GIT2: variants seen among roughly 807,000 people sequenced by gnomAD.
GIT2 encodes the protein ARF GTPase-activating protein GIT2.
A neutral mutation model predicts 100.3 loss-of-function variants in GIT2; 32 were observed. The observed-to-expected ratio is 0.32, with a 90% CI of 0.24 to 0.43. The LOEUF is 0.43. Ranked by LOEUF, GIT2 falls within the 20% of genes least tolerant of loss-of-function variation. The pLI is 1.00. For synonymous variants in GIT2, 353 were observed against 364.1 expected (o/e 0.97, Z 0.35); for missense variants, 737 against 975.1 (o/e 0.76, Z 3.25).
At position 109,932,911 on chromosome 12, in the gene GIT2, C is replaced by T; in HGVS notation, c.*67G>A. On this transcript the variant is annotated 3_prime_UTR_variant, in exon 20 of 20. Transcript: ENST00000355312. Reference sequence around the variant, plus strand: ...TCTTTTTGTAGAAATCTGAAGAGTTCTGCGTCTGAATTTGAAATTGGACTT... The same window carrying T: ...TCTTTTTGTAGAAATCTGAAGAGTTTTGCGTCTGAATTTGAAATTGGACTT... 1 of 876,378 alleles carries T rather than the reference C, an allele frequency of 1.1e-6. No homozygotes were observed. Among genetic ancestry groups the T allele is most frequent in the Non-Finnish European group, 1.9e-6 (1 of 513,822 alleles). 54.3% of individuals were successfully genotyped at this position (876,378 alleles called of 1,614,324 possible). A position where few individuals can be genotyped will look rare whatever the true frequency, so the allele number is the denominator to read the frequency against.
chr12:109,996,276 G>T lies in GIT2; in HGVS notation c.-52C>A. On this transcript the variant is annotated 5_prime_UTR_variant, in exon 1 of 20. Coordinates refer to ENST00000355312, the MANE Select transcript of GIT2 (RefSeq NM_057169.5). ...CTAGAGGCCGGGGGACAGCAAAGGC[G>T]GCGGTGGCGGCGGCGCTTCCGCTCT... The T allele has an allele frequency of 1.5e-6, 2 of 1,296,970 alleles. No individual in the cohort carries two copies. Among genetic ancestry groups the T allele is most frequent in the Non-Finnish European group, 1.1e-6 (1 of 935,416 alleles). The allele number at this position is 1,296,970 out of a possible 1,614,324, so 80.3% of individuals were successfully genotyped here.
chr12:109,974,361 T>C (rs1485675061), intron 7 of GIT2, among the ~76,000 whole-genome samples: 1 of 152,058 alleles, frequency 6.6e-6, no homozygotes, highest in African/African-American at 2.4e-5. Context: ...ACCCCATCTC[T>C]ACTAAAAATA....
intron 2 of GIT2, among the ~76,000 whole-genome samples, chr12:109,990,912 A>G (rs1159938334): frequency 6.6e-6 from 1 of 152,262 alleles, no homozygotes; most frequent in African/African-American, 2.4e-5. Context: ...ATCAAAGCAG[A>G]AAAACATGTT....
chr12:109,999,895 C>A (rs1008240333), upstream of GIT2: 5 of 993,218 alleles, frequency 5.0e-6, no homozygotes, highest in African/African-American at 8.5e-5. This position sits in a 1 kb window ranked among gnomAD's most constrained non-coding sequence, Gnocchi z 4.3. Context: ...CCCCAGACCC[C>A]TTCCACTTTG....
At chr12:109,993,456 T>C (rs1046955596) in intron 1 of GIT2, among the ~76,000 whole-genome samples, 2 of 152,048 alleles carry the variant, frequency 1.3e-5, no homozygotes, top group Non-Finnish European at 2.9e-5. Context: ...AGCCAGTGAG[T>C]ATGGTGGTTA....
At chr12:109,938,883 A>G in intron 17 of GIT2, 1 of 492,848 alleles carries the variant, frequency 2.0e-6, no homozygotes, top group Non-Finnish European at 3.6e-6. Flanking sequence ...TGCAGAATGT[A>G]ACCTAATGTT....
intron 13 of GIT2, among the ~76,000 whole-genome samples, 160 bp from the exon 14 acceptor site, chr12:109,951,476 A>G (rs1877835669): frequency 6.6e-6 from 1 of 152,242 alleles, no homozygotes; most frequent in African/African-American, 2.4e-5. Flanking sequence ...ACATAAAAGT[A>G]GGGTCACTAT....
intron 2 of GIT2, 110 bp downstream of exon 2, chr12:109,991,517 T>C (rs987503163): frequency 1.3e-6 from 1 of 798,000 alleles, no homozygotes; most frequent in African/African-American, 1.7e-5. Flanking sequence ...TATTCAATTA[T>C]GAAACAGTTT....
chr12:109,952,629 A>G (rs1878217288), intron 13 of GIT2: 1 of 519,706 alleles, frequency 1.9e-6, no homozygotes, highest in Non-Finnish European at 3.8e-6. Flanking sequence ...CCCAATCCCA[A>G]GCGTCCCTTG....
chr12:109,969,478 A>G (rs1883321261), intron 7 of GIT2, among the ~76,000 whole-genome samples: 1 of 151,642 alleles, frequency 6.6e-6, no homozygotes, highest in Admixed American at 6.6e-5. Context: ...AAAATTTTCA[A>G]TTTTGATGAA....
At chr12:109,965,450 AC>A in intron 9 of GIT2, 75 bp downstream of exon 9, 1 of 799,030 alleles carries the variant, frequency 1.3e-6, no homozygotes, top group Non-Finnish European at 2.1e-6. Context: ...GCAATAGGTA[AC>A]CTGCATTCAG....
At chr12:109,981,646 GA>G (rs1463226915) in intron 6 of GIT2, 1 of 152,454 alleles carries the variant, frequency 6.6e-6, no homozygotes, top group Non-Finnish European at 1.5e-5. Flanking sequence ...TTGCACAACA[GA>G]AAATATTAAG....
chr12:109,952,157 C>A (rs929063387), intron 13 of GIT2, among the ~76,000 whole-genome samples: 2 of 152,194 alleles, frequency 1.3e-5, no homozygotes, highest in African/African-American at 2.4e-5. Context: ...CCAAACAAAT[C>A]TTCTATAAAT....
chr12:109,967,605 T>C (rs1025865666), intron 7 of GIT2, 102 bp from the exon 8 acceptor site: 8 of 831,776 alleles, frequency 9.6e-6, no homozygotes, highest in African/African-American at 8.4e-5. Context: ...GCGATTAGTA[T>C]TTGTGCATAA....
At position 109,934,055 on chromosome 12, in the gene GIT2, T is replaced by C. The variant is rs1478214334; in HGVS notation, c.2034A>G (p.Val678=). The C allele has an allele frequency of 1.3e-6, 2 of 1,575,816 alleles. No individual in the cohort carries two copies. Among genetic ancestry groups the C allele is most frequent in the Non-Finnish European group, 1.7e-6 (2 of 1,145,282 alleles). ...SYIPCSERIH[V]AVTEMAALFP... Reference sequence around the variant, plus strand: ...ATAATGCTGCCATTTCTGTAACAGCTACGTGTATCCTCTCTGAGCAGGGAA... The same window carrying C: ...ATAATGCTGCCATTTCTGTAACAGCCACGTGTATCCTCTCTGAGCAGGGAA... The change falls in exon 19 of 20, where the codon GTA becomes GTG. Residue 678 remains valine, a synonymous_variant. Coordinates refer to ENST00000355312, the MANE Select transcript of GIT2 (RefSeq NM_057169.5). This position sits in a 1 kb window ranked among gnomAD's most constrained non-coding sequence, Gnocchi z 4.5.
intron 12 of GIT2, chr12:109,953,774 T>G (rs991749378): frequency 6.6e-6 from 1 of 152,256 alleles, no homozygotes. Context: ...AGCATTCCTC[T>G]CATCTACCTG....
intron 1 of GIT2, among the ~76,000 whole-genome samples, chr12:109,993,661 T>C (rs1376044647): frequency 1.3e-5 from 2 of 152,210 alleles, no homozygotes; most frequent in Admixed American, 1.3e-4. Flanking sequence ...TGTTAGTTGT[T>C]ATATCTTTTC....
intron 12 of GIT2, among the ~76,000 whole-genome samples, chr12:109,957,004 T>C (rs1879671970): frequency 1.3e-5 from 2 of 149,556 alleles, no homozygotes; most frequent in African/African-American, 2.5e-5. Context: ...GGCGACAGAG[T>C]GAGACTCGTC....
At position 109,965,714 on chromosome 12, in the gene GIT2, G is replaced by A. The variant is rs368395970; in HGVS notation, c.765-137C>T. ...TTAGAACCAAGCATTCTACAGCCCA[G>A]TAGAGTCAGTGAGGAGCTCTAAACA... is the stretch of plus-strand genomic sequence containing the variant. On this transcript the variant is annotated intron_variant, in intron 8 of 19. Transcript: ENST00000355312. The A allele has an allele frequency of 2.5e-4, 195 of 770,708 alleles. 4 individuals are homozygous for A. In the Middle Eastern group the frequency reaches 0.012, roughly 46 times the overall value. 47.7% of individuals were successfully genotyped at this position (770,708 alleles called of 1,614,324 possible).
Sources: allele counts gnomAD v4.1 joint callset (sites outside exome capture counted in the v4.1 genomes callset), GRCh38; gene constraint gnomAD v4.1.1; non-coding constraint Gnocchi (gnomAD v3.1); transcripts MANE v1.5; gene names NCBI Gene and HGNC (gene_info 2026-07-23, HGNC 2026-07-21).